The following CYBRD1 variants were observed in gnomAD, a reference collection of about 807,000 sequenced individuals.
CYBRD1 encodes the protein cytochrome b reductase 1.
In CYBRD1, 14 loss-of-function variants were observed where a neutral mutation model predicts 21.9. The ratio of observed to expected loss-of-function variants is 0.64; its 90% confidence interval spans 0.42 to 1.00. The LOEUF (loss-of-function observed/expected upper bound fraction) is 1.00, where lower values mean the gene tolerates loss of function less well. Ranked by LOEUF, CYBRD1 falls within the 50% of genes least tolerant of loss-of-function variation. The pLI is 0.00. For synonymous variants in CYBRD1, 146 were observed against 136.5 expected (o/e 1.07, Z -0.48); for missense variants, 328 against 352.5 (o/e 0.93, Z 0.56).
chr2:171,551,305 A>G (rs1683368658), intron 2 of CYBRD1, among the ~76,000 whole-genome samples: 1 of 152,166 alleles, frequency 6.6e-6, no homozygotes, highest in Admixed American at 6.5e-5. Flanking sequence ...CTTTGATACT[A>G]ATAGAATCAC....
At chr2:171,536,778 A>G (rs111979061) in intron 1 of CYBRD1, among the ~76,000 whole-genome samples, 4 of 152,282 alleles carry the variant, frequency 2.6e-5, no homozygotes, top group African/African-American at 4.8e-5. Flanking sequence ...TATTTTGGGA[A>G]TTTTTGATAT....
intron 1 of CYBRD1, among the ~76,000 whole-genome samples, chr2:171,535,926 C>T (rs992010088): frequency 6.6e-6 from 1 of 151,998 alleles, no homozygotes; most frequent in East Asian, 1.9e-4. Context: ...AAGCATGAGC[C>T]GCTGTGCCTG....
intron 2 of CYBRD1, among the ~76,000 whole-genome samples, chr2:171,547,898 G>T (rs1447792161): frequency 2.6e-5 from 4 of 152,072 alleles, no homozygotes; most frequent in African/African-American, 7.2e-5. Context: ...TAGTCTCTGT[G>T]GTTGTGGTTT....
intron 1 of CYBRD1, chr2:171,541,277 T>C (rs1697626863): frequency 2.1e-5 from 9 of 425,892 alleles, no homozygotes; most frequent in South Asian, 2.1e-4. Context: ...AGACAGCATT[T>C]CAGTGAAAGA....
chr2:171,532,874 G>A (rs1041684460), intron 1 of CYBRD1, among the ~76,000 whole-genome samples: 2 of 90,358 alleles, frequency 2.2e-5, no homozygotes, highest in Admixed American at 1.1e-4. Context: ...ACCATTTCAC[G>A]ATGTGTGTGT....
chr2:171,538,387 A>G (rs1697576442), intron 1 of CYBRD1, among the ~76,000 whole-genome samples: 1 of 152,164 alleles, frequency 6.6e-6, no homozygotes, highest in Non-Finnish European at 1.5e-5. Context: ...GCCCTCAGAG[A>G]AGATGAAGTA....
At position 171,533,917 on chromosome 2, in the gene CYBRD1, G is replaced by A. The variant is rs546475906; in HGVS notation, c.194-7668G>A. Reference sequence around the variant, plus strand: ...GACAGGGTTTCACCACATTGGCCAGGATGGTCTTGAAATCCCGACCTTAAG... The same window carrying A: ...GACAGGGTTTCACCACATTGGCCAGAATGGTCTTGAAATCCCGACCTTAAG... On this transcript the variant is annotated intron_variant, in intron 1 of 3. Transcript: ENST00000321348. Among the ~76,000 whole-genome samples, 14 of 152,040 alleles carry A rather than the reference G, an allele frequency of 9.2e-5. No homozygotes were observed. The South Asian group carries it at 2.7e-3, about 29-fold the overall frequency.
In CYBRD1 at chr2:171,553,473, G is replaced by A; in HGVS notation, c.530G>A (p.Gly177Glu). The A allele has an allele frequency of 6.2e-7, 1 of 1,612,046 alleles. No individual in the cohort carries two copies. Among genetic ancestry groups the A allele is most frequent in the Middle Eastern group, 1.7e-4 (1 of 6,048 alleles). The change falls in exon 3 of 4, where the codon GGA becomes GAA. Residue 177 changes from glycine (G) to glutamate (E), a missense_variant. Coordinates refer to ENST00000321348, the MANE Select transcript of CYBRD1 (RefSeq NM_024843.4). ...ACAGTGATTGCAACAGCACTTATGG[G>A]ATTGACAGAGAAACTGATTTTTTCC... The part of the protein sequence containing the change: ...FGTVIATALM[G>E]LTEKLIFSLR...
At chr2:171,531,801 G>A (rs1419224540) in intron 1 of CYBRD1, among the ~76,000 whole-genome samples, 1 of 152,094 alleles carries the variant, frequency 6.6e-6, no homozygotes, top group African/African-American at 2.4e-5. Context: ...TTGATATGAG[G>A]CACAAGAAAA....
chr2:171,551,389 T>C (rs1265884998), intron 2 of CYBRD1, among the ~76,000 whole-genome samples: 2 of 152,158 alleles, frequency 1.3e-5, no homozygotes, highest in African/African-American at 4.8e-5. Flanking sequence ...TTCTAATATA[T>C]TCAGGCATTT....
At chr2:171,527,137 G>A (rs1454653451) in intron 1 of CYBRD1, among the ~76,000 whole-genome samples, 1 of 151,920 alleles carries the variant, frequency 6.6e-6, no homozygotes, top group Non-Finnish European at 1.5e-5. Flanking sequence ...GAAGCTTCAG[G>A]GACACCATTG....
In CYBRD1 at chr2:171,554,797, G is replaced by A. The variant is rs1444838127; in HGVS notation, c.831G>A (p.Leu277=). Residue 277 remains leucine, a synonymous_variant, in exon 4 of 4, where the codon CTG becomes CTA. Transcript: ENST00000321348. The part of the protein sequence containing the change: ...EVAARKRNLA[L]DEAGQRSTM Reference sequence around the variant, plus strand: ...CAGCAAGGAAAAGAAACTTAGCTCTGGATGAGGCTGGGCAGAGATCTACCA... The same window carrying A: ...CAGCAAGGAAAAGAAACTTAGCTCTAGATGAGGCTGGGCAGAGATCTACCA... 4 of 1,613,390 alleles carry A rather than the reference G, an allele frequency of 2.5e-6. No individual in the cohort carries two copies. The highest frequency in any genetic ancestry group is 3.4e-6 in the Non-Finnish European group (4 of 1,179,898).
upstream of CYBRD1, chr2:171,522,264 C>T (rs1431371595): frequency 6.5e-7 from 1 of 1,549,528 alleles, no homozygotes. The surrounding 1 kb of genome is among the most constrained non-coding windows in gnomAD (Gnocchi z 4.3). Context: ...AAGCCCTCTG[C>T]GAGCTTGGAT....
chr2:171,534,325 C>T (rs965439887), intron 1 of CYBRD1, among the ~76,000 whole-genome samples: 4 of 152,078 alleles, frequency 2.6e-5, no homozygotes, highest in African/African-American at 9.7e-5. Flanking sequence ...GGACCTTTTT[C>T]TTCCTTCTCA....
At position 171,522,946 on chromosome 2, in the gene CYBRD1, G is replaced by C; in HGVS notation, c.193+208G>C. On this transcript the variant is annotated intron_variant, in intron 1 of 3. Coordinates refer to ENST00000321348, the MANE Select transcript of CYBRD1 (RefSeq NM_024843.4). The surrounding 1 kb of genome is among the most constrained non-coding windows in gnomAD (Gnocchi z 4.3). ...GGCGGGACAGAGCTGCGGTTCAGGAGGATCGCCGCGAGCGCGGGGCCGGGG... is the reference window on the plus strand; with the variant it reads ...GGCGGGACAGAGCTGCGGTTCAGGACGATCGCCGCGAGCGCGGGGCCGGGG... The C allele has an allele frequency of 1.6e-5, 12 of 769,806 alleles. No homozygotes were observed. Among genetic ancestry groups the C allele is most frequent in the Non-Finnish European group, 1.8e-5 (9 of 502,850 alleles). 47.7% of individuals were successfully genotyped at this position (769,806 alleles called of 1,614,324 possible).
chr2:171,527,358 A>G (rs896277428), intron 1 of CYBRD1, among the ~76,000 whole-genome samples: 6 of 152,246 alleles, frequency 3.9e-5, no homozygotes, highest in Admixed American at 6.5e-5. Context: ...TACCTAGAAT[A>G]ACACTGAGAA....
At chr2:171,529,874 G>A (rs1697438930) in intron 1 of CYBRD1, among the ~76,000 whole-genome samples, 1 of 152,114 alleles carries the variant, frequency 6.6e-6, no homozygotes, top group Non-Finnish European at 1.5e-5. Flanking sequence ...CCCCCAAAAA[G>A]GTATGTCTAA....
At chr2:171,547,440 T>G (rs1697733537) in intron 2 of CYBRD1, among the ~76,000 whole-genome samples, 1 of 150,942 alleles carries the variant, frequency 6.6e-6, no homozygotes, top group Admixed American at 6.6e-5. Context: ...GTGCTCTTTT[T>G]TTTTTTTTTT....
chr2:171,530,629 C>G (rs1370190360), intron 1 of CYBRD1, among the ~76,000 whole-genome samples: 3 of 152,088 alleles, frequency 2.0e-5, no homozygotes, highest in Non-Finnish European at 2.9e-5. Context: ...CGTGAGGATG[C>G]CAGTTCAAGG....
Sources: allele counts gnomAD v4.1 joint callset (sites outside exome capture counted in the v4.1 genomes callset), GRCh38; gene constraint gnomAD v4.1.1; non-coding constraint Gnocchi (gnomAD v3.1); transcripts MANE v1.5; gene names NCBI Gene and HGNC (gene_info 2026-07-23, HGNC 2026-07-21).